The following CSMD1 variants were observed in gnomAD, a reference collection of about 807,000 sequenced individuals.
CSMD1 encodes CUB and Sushi multiple domains 1, also known as CUB and sushi domain-containing protein 1.
Under a neutral mutation model 417.5 loss-of-function variants are expected in CSMD1, and 213 were observed. The ratio of observed to expected loss-of-function variants is 0.51; its 90% CI spans 0.46 to 0.57. The LOEUF is 0.57. Among genes scored for constraint, CSMD1 ranks in the 20% least tolerant of loss-of-function variants. CSMD1 has a pLI of 0.00. For synonymous variants in CSMD1, 2,862 were observed against 1,736.8 expected, an observed-to-expected ratio of 1.65 and a Z score of -16.11; for missense variants, 6,923 against 4,529.7, an observed-to-expected ratio of 1.53 and a Z score of -15.17.
chr8:3,490,924 A>C (rs547350303), intron 11 of CSMD1, among the ~76,000 whole-genome samples: 163 of 152,278 alleles, frequency 1.1e-3, no homozygotes, highest in Non-Finnish European at 2.0e-3. Context: ...ATTATTTGGC[A>C]AGGGTGCAGA....
intron 50 of CSMD1, 71 bp from the exon 51 acceptor site, chr8:3,029,584 T>C: frequency 7.4e-7 from 1 of 1,350,432 alleles, no homozygotes; most frequent in Non-Finnish European, 1.0e-6. Flanking sequence ...TTGCTTTGGA[T>C]GGCAAGGTCT....
intron 5 of CSMD1, among the ~76,000 whole-genome samples, chr8:3,994,497 A>G (rs1815049122): frequency 6.6e-6 from 1 of 151,666 alleles, no homozygotes; most frequent in African/African-American, 2.4e-5. Context: ...CACTACACAA[A>G]TCCTTCCTAA....
At chr8:2,992,246 G>T (rs1270915047) in intron 54 of CSMD1, among the ~76,000 whole-genome samples, 6 of 151,962 alleles carry the variant, frequency 3.9e-5, no homozygotes, top group Admixed American at 1.3e-4. Context: ...ACTCATTGCT[G>T]GGAGGTAGAG....
rs1211477367 is a variant in CSMD1 at position 3,556,417 on chromosome 8, A to ATATATT, written c.1344+18527_1344+18528insAATATA. ...AATATATATATATATATATATATTC[A>ATATATT]CACACACAAAGAATTTATGAGGGAT... On this transcript the variant is annotated intron_variant, in intron 10 of 69. Transcript: ENST00000635120. Among the ~76,000 whole-genome samples the ATATATT allele has an allele frequency of 3.3e-3, 478 of 145,138 alleles. 3 individuals are homozygous for ATATATT. Among genetic ancestry groups the ATATATT allele is most frequent in the Admixed American group, 5.5e-3 (80 of 14,586 alleles).
chr8:3,951,619 A>G (rs1204873253), intron 5 of CSMD1, among the ~76,000 whole-genome samples: 1 of 152,216 alleles, frequency 6.6e-6, no homozygotes, highest in Non-Finnish European at 1.5e-5. Context: ...TCTAGGAAAC[A>G]GCTGACAAAA....
chr8:2,979,028 C>G (rs772026331), intron 54 of CSMD1, among the ~76,000 whole-genome samples: 2 of 152,192 alleles, frequency 1.3e-5, no homozygotes, highest in Non-Finnish European at 2.9e-5. Flanking sequence ...TCACGTGAGG[C>G]TAATTTCCTC....
At chr8:4,276,865 A>G (rs949062241) in intron 3 of CSMD1, among the ~76,000 whole-genome samples, 19 of 152,234 alleles carry the variant, frequency 1.2e-4, no homozygotes, top group Admixed American at 5.9e-4. Flanking sequence ...TAATCAGAAA[A>G]TAAGTTAAAA....
intron 23 of CSMD1, among the ~76,000 whole-genome samples, chr8:3,319,764 C>T (rs566365193): frequency 1.1e-4 from 16 of 151,998 alleles, no homozygotes; most frequent in Middle Eastern, 3.4e-3. Context: ...ACACGTCAGC[C>T]GGGCTATTTT....
At chr8:3,779,993 C>G (rs994949903) in intron 5 of CSMD1, among the ~76,000 whole-genome samples, 4 of 152,192 alleles carry the variant, frequency 2.6e-5, no homozygotes, top group Non-Finnish European at 5.9e-5. Flanking sequence ...AACTTCCAAG[C>G]TCCTTTTCCT....
chr8:3,191,239 G>C (rs894208911), intron 33 of CSMD1, among the ~76,000 whole-genome samples: 4 of 152,122 alleles, frequency 2.6e-5, no homozygotes, highest in Non-Finnish European at 4.4e-5. Flanking sequence ...TGGATCACTT[G>C]AGGTCGAGAG....
chr8:4,066,867 T>A (rs1799278161), intron 3 of CSMD1, among the ~76,000 whole-genome samples: 1 of 152,192 alleles, frequency 6.6e-6, no homozygotes, highest in Non-Finnish European at 1.5e-5. Context: ...CACTGCTGAT[T>A]TAACACAGCC....
intron 26 of CSMD1, among the ~76,000 whole-genome samples, chr8:3,264,874 C>A (rs1047265636): frequency 3.4e-5 from 5 of 147,920 alleles, no homozygotes; most frequent in African/African-American, 1.0e-4. Context: ...GTGTGTGTGG[C>A]CTGTGTGTGT....
At chr8:3,334,464 T>C (rs1426095777) in intron 23 of CSMD1, among the ~76,000 whole-genome samples, 2 of 152,182 alleles carry the variant, frequency 1.3e-5, no homozygotes, top group African/African-American at 4.8e-5. Flanking sequence ...TCATTTTTAT[T>C]TTCAAAGCCA....
chr8:3,091,664 T>G lies in CSMD1; in HGVS notation c.7139-2A>C. 1 of 1,605,762 alleles carries G rather than the reference T, an allele frequency of 6.2e-7. No individual in the cohort carries two copies. The highest frequency in any genetic ancestry group is 8.5e-7 in the Non-Finnish European group (1 of 1,178,096). ...GCAGAGGACTTTGCCCAGAAGAACCTAAGTGAAACAGAAAAACAAAAACAT... is the reference window on the plus strand; with the variant it reads ...GCAGAGGACTTTGCCCAGAAGAACCGAAGTGAAACAGAAAAACAAAAACAT... On this transcript the variant is annotated splice_acceptor_variant, in intron 47 of 69. Coordinates refer to ENST00000635120, the MANE Select transcript of CSMD1 (RefSeq NM_033225.6). LOFTEE classifies it high-confidence loss of function.
chr8:4,116,197 T>G (rs1327185138), intron 3 of CSMD1, among the ~76,000 whole-genome samples: 1 of 151,954 alleles, frequency 6.6e-6, no homozygotes, highest in Admixed American at 6.6e-5. Flanking sequence ...TTTCCCCATG[T>G]TGGCCAGGCT....
At chr8:3,035,805 T>A (rs1324628215) in intron 50 of CSMD1, among the ~76,000 whole-genome samples, 1 of 152,250 alleles carries the variant, frequency 6.6e-6, no homozygotes, top group East Asian at 1.9e-4. Context: ...TGACAGACAT[T>A]GTTCAACTTG....
At chr8:3,136,560 C>T (rs186949780) in intron 41 of CSMD1, among the ~76,000 whole-genome samples, 22 of 152,212 alleles carry the variant, frequency 1.4e-4, no homozygotes, top group Admixed American at 1.3e-3. Flanking sequence ...CCACCGTGAC[C>T]GGCTCATCCC....
intron 33 of CSMD1, among the ~76,000 whole-genome samples, chr8:3,193,914 G>A (rs1371736518): frequency 1.3e-5 from 2 of 152,134 alleles, no homozygotes; most frequent in South Asian, 4.1e-4. Flanking sequence ...CTGCACCTCT[G>A]TTACAGTTGA....
intron 44 of CSMD1, among the ~76,000 whole-genome samples, chr8:3,108,357 C>T (rs985617442): frequency 6.6e-6 from 1 of 152,190 alleles, no homozygotes; most frequent in Non-Finnish European, 1.5e-5. Flanking sequence ...CAATGGTCTT[C>T]ATCTTAGAGT....
Sources: gnomAD v4.1 joint callset for allele counts (sites outside exome capture counted in the v4.1 genomes callset) on GRCh38, gnomAD v4.1.1 for gene constraint, MANE v1.5 for transcripts, NCBI Gene and HGNC (gene_info 2026-07-23, HGNC 2026-07-21) for gene names.